Variants in ADGRA3 observed in about 807,000 individuals in gnomAD.
ADGRA3 encodes adhesion G protein-coupled receptor A3, also known as G-protein coupled receptor 125.
ADGRA3 carries 56 observed loss-of-function variants against 119.8 expected under a neutral mutation model. The observed-to-expected ratio is 0.47, with a 90% CI of 0.38 to 0.58. The LOEUF is 0.58. ADGRA3 is among the 20% of genes least tolerant of loss of function. ADGRA3 has a pLI of 0.00. For synonymous variants in ADGRA3, 607 were observed against 623.8 expected, an observed-to-expected ratio of 0.97 and a Z score of 0.40; for missense variants, 1,516 against 1,649.0, an observed-to-expected ratio of 0.92 and a Z score of 1.40.
At chr4:22,393,742 GA>G (rs2108996251) in intron 16 of ADGRA3, 1 of 152,266 alleles carries the variant, frequency 6.6e-6, no homozygotes, top group South Asian at 2.1e-4. Context: ...TACTTATTAA[GA>G]ATGTGATTTT....
intron 2 of ADGRA3, among the ~76,000 whole-genome samples, chr4:22,466,175 G>A (rs1348353575): frequency 1.3e-5 from 2 of 152,120 alleles, no homozygotes; most frequent in East Asian, 1.9e-4. Flanking sequence ...TCCCAGCCTT[G>A]CCCACCTTTC....
intron 3 of ADGRA3, chr4:22,455,862 AG>A: frequency 7.9e-7 from 1 of 1,269,262 alleles, no homozygotes; most frequent in Non-Finnish European, 1.0e-6. Flanking sequence ...GCCCTATGCA[AG>A]AAAACCCTAA....
Position 22,401,411 on chromosome 4 carries a change from G to A in ADGRA3, c.2481+20C>T, listed in dbSNP as rs77162362. On this transcript the variant is annotated intron_variant, in intron 16 of 18. Transcript: ENST00000334304. ...TAATACCAGTAATTTTTTCCATTTC[G>A]GTTTTTCACTCTGACTTACTGCTTG... 4,508 of 1,555,982 alleles carry A rather than the reference G, an allele frequency of 2.9e-3. 122 individuals carry two copies. The African/African-American group carries it at 0.056, about 19-fold the overall frequency.
intron 14 of ADGRA3, among the ~76,000 whole-genome samples, chr4:22,407,042 C>T (rs996229371): frequency 1.1e-4 from 16 of 152,176 alleles, no homozygotes; most frequent in African/African-American, 2.9e-4. Context: ...GAGGCCGAGG[C>T]GGGTGGATCA....
At chr4:22,441,095 C>T (rs1196222599) in intron 7 of ADGRA3, among the ~76,000 whole-genome samples, 2 of 152,014 alleles carry the variant, frequency 1.3e-5, no homozygotes, top group African/African-American at 4.8e-5. Context: ...TGGGAAGTAA[C>T]TAGATTTTTT....
chr4:22,464,769 T>TG (rs1176416316), intron 2 of ADGRA3, among the ~76,000 whole-genome samples: 1 of 152,190 alleles, frequency 6.6e-6, no homozygotes, highest in Admixed American at 6.5e-5. Context: ...CCCAGGGGGC[T>TG]GGGGGGTCTG....
chr4:22,420,770 T>G, intron 12 of ADGRA3, 116 bp downstream of exon 12: 1 of 959,750 alleles, frequency 1.0e-6, no homozygotes, highest in Non-Finnish European at 1.6e-6. Flanking sequence ...AAAGCAATAA[T>G]ACCTATCTTC....
chr4:22,515,650 G>T lies in ADGRA3; in HGVS notation c.135C>A (p.His45Gln). 7.4e-7 allele frequency: 1 copy of T among 1,358,620 alleles called. No homozygotes were observed. Among genetic ancestry groups the T allele is most frequent in the African/African-American group, 1.5e-5 (1 of 66,796 alleles). The allele number at this position is 1,358,620 out of a possible 1,614,324, so 84.2% of individuals were successfully genotyped here. A position where few individuals can be genotyped will look rare whatever the true frequency, so the allele number is the denominator to read the frequency against. The change falls in exon 1 of 19, where the codon CAC (histidine) becomes CAA (glutamine). Residue 45 changes from histidine (H) to glutamine (Q), a missense_variant. By Grantham distance (24) the His-to-Gln change is conservative. Coordinates refer to ENST00000334304, the MANE Select transcript of ADGRA3 (RefSeq NM_145290.4). ...GAAALPAGCKHDGRPRGAGRA... is the reference protein window; with the variant it reads ...GAAALPAGCKQDGRPRGAGRA... Reference sequence around the variant, plus strand: ...TGCCAGCCCCTCGGGGCCGCCCATCGTGCTTGCAGCCGGCGGGCAGCGCCG... The same window carrying T: ...TGCCAGCCCCTCGGGGCCGCCCATCTTGCTTGCAGCCGGCGGGCAGCGCCG...
At chr4:22,409,050 C>T (rs55767340) in intron 14 of ADGRA3, among the ~76,000 whole-genome samples, 113,686 of 152,072 alleles carry the variant, frequency 0.75, 42,670 homozygotes, top group Non-Finnish European at 0.77. Context: ...CAGGCCAAAC[C>T]TATCTATAGT....
chr4:22,438,813 C>T lies in ADGRA3; in HGVS notation c.921-393G>A, dbSNP rs192682301. 3.6e-4 allele frequency among the ~76,000 whole-genome samples: 55 copies of T among 151,998 alleles called. No individual in the cohort carries two copies. In the East Asian group the frequency reaches 0.01, roughly 28 times the overall value. ...AGCCCAGCCTTCAAGATCAGCCTGG[C>T]GAAACCCTGTCTACACTAAAAATAT... On this transcript the variant is annotated intron_variant, in intron 7 of 18. Coordinates refer to ENST00000334304, the MANE Select transcript of ADGRA3 (RefSeq NM_145290.4).
intron 1 of ADGRA3, among the ~76,000 whole-genome samples, chr4:22,489,297 A>G (rs1199712868): frequency 6.6e-6 from 1 of 152,196 alleles, no homozygotes; most frequent in Non-Finnish European, 1.5e-5. Flanking sequence ...GGTCCCTCCC[A>G]TAACACGTGA....
intron 2 of ADGRA3, among the ~76,000 whole-genome samples, chr4:22,465,564 G>A (rs1717625706): frequency 6.6e-6 from 1 of 152,182 alleles, no homozygotes; most frequent in Admixed American, 6.5e-5. Context: ...CTAACTCTGG[G>A]CTGTTTGGAT....
At chr4:22,428,738 T>C (rs1716042099) in intron 10 of ADGRA3, among the ~76,000 whole-genome samples, 1 of 152,182 alleles carries the variant, frequency 6.6e-6, no homozygotes, top group Non-Finnish European at 1.5e-5. Context: ...GAAAGTCAAG[T>C]TTTAAAAGTG....
intron 1 of ADGRA3, among the ~76,000 whole-genome samples, chr4:22,493,976 G>C (rs1472744099): frequency 2.0e-5 from 3 of 152,002 alleles, no homozygotes; most frequent in Non-Finnish European, 4.4e-5. Flanking sequence ...AGGCCGAGGC[G>C]GGTGGATCAC....
At chr4:22,398,640 T>C (rs1055346260) in intron 16 of ADGRA3, among the ~76,000 whole-genome samples, 2 of 151,222 alleles carry the variant, frequency 1.3e-5, no homozygotes, top group African/African-American at 4.9e-5. Context: ...TTACCTTTAT[T>C]AAAAAAAAAC....
intron 14 of ADGRA3, among the ~76,000 whole-genome samples, chr4:22,408,713 T>C (rs1289065183): frequency 2.0e-5 from 3 of 152,154 alleles, no homozygotes; most frequent in Non-Finnish European, 2.9e-5. Flanking sequence ...ATAACCACTT[T>C]GGTCAACTGC....
rs1361934305 is a variant in ADGRA3, at chr4:22,392,651, G to A, written c.2521C>T (p.Leu841=). 4.3e-6 allele frequency: 7 copies of A among 1,613,606 alleles called. No individual in the cohort carries two copies. Among genetic ancestry groups the A allele is most frequent in the African/African-American group, 1.3e-5 (1 of 74,844 alleles). Residue 841 remains leucine (L), a synonymous_variant, in exon 17 of 19, where the codon CTA becomes TTA. Transcript: ENST00000334304. ...TTTCGAGCTGTCACTCCTACCCATA[G>A]TACTGTGGCAAGGGTGGAATAGTGA... ...ILHYSTLATV[L]WVGVTARNIY... is the part of the protein sequence containing the mutation.
chr4:22,404,865 T>C (rs1424477306), intron 14 of ADGRA3, among the ~76,000 whole-genome samples: 2 of 152,224 alleles, frequency 1.3e-5, no homozygotes, highest in Non-Finnish European at 2.9e-5. Flanking sequence ...AGAAGAGACA[T>C]ATTTTCCTCC....
intron 4 of ADGRA3, among the ~76,000 whole-genome samples, chr4:22,452,980 C>T (rs1268315187): frequency 6.6e-6 from 1 of 151,436 alleles, no homozygotes; most frequent in Non-Finnish European, 1.5e-5. Flanking sequence ...GAGTGGATCA[C>T]GAGGTCAGGA....
Sources: allele counts gnomAD v4.1 joint callset (sites outside exome capture counted in the v4.1 genomes callset), GRCh38; gene constraint gnomAD v4.1.1; transcripts MANE v1.5; gene names NCBI Gene and HGNC (gene_info 2026-07-23, HGNC 2026-07-21).